The following UBE2Q2 variants were observed in gnomAD, a reference collection of about 807,000 sequenced individuals.
UBE2Q2 encodes ubiquitin-conjugating enzyme E2 Q2.
A neutral mutation model predicts 59.9 loss-of-function variants in UBE2Q2; 54 were observed. The observed-to-expected ratio is 0.90, with a 90% CI of 0.72 to 1.13. The LOEUF is 1.13. Among genes scored for constraint, UBE2Q2 ranks in the 50% most tolerant of loss-of-function variants. UBE2Q2 has a pLI of 0.00. For missense variants in UBE2Q2, 433 were observed against 441.9 expected (o/e 0.98, Z 0.18); for synonymous variants, 165 against 155.2 (o/e 1.06, Z -0.47).
Position 75,882,578 on chromosome 15 carries a change from A to G in UBE2Q2, c.826-788A>G, listed in dbSNP as rs185562039. Among the ~76,000 whole-genome samples, 5 of 152,338 alleles carry G rather than the reference A, an allele frequency of 3.3e-5. No homozygotes were observed. The South Asian group carries it at 6.2e-4, about 19-fold the overall frequency. ...CTTTACCAAGCTTACATCAACCTCT[A>G]TACCTTTCATTATGTCTGTTAAATA... On this transcript the variant is annotated intron_variant, in intron 8 of 12. Coordinates refer to ENST00000267938, the MANE Select transcript of UBE2Q2 (RefSeq NM_173469.4).
At position 75,869,301 on chromosome 15, in the gene UBE2Q2, G is replaced by GT. The variant is rs545464445; in HGVS notation, c.447+293dup. ...CTAATCAGTACTTAATCTGTATTTG[G>GT]TTATTTTTAGGAAGAGGAACTACTA... On this transcript the variant is annotated intron_variant, in intron 4 of 12. Coordinates refer to ENST00000267938, the MANE Select transcript of UBE2Q2 (RefSeq NM_173469.4). Among the ~76,000 whole-genome samples the GT allele has an allele frequency of 8.5e-5, 13 of 152,210 alleles. No individual in the cohort carries two copies. In the South Asian group the frequency reaches 2.5e-3, roughly 29 times the overall value.
intron 9 of UBE2Q2, among the ~76,000 whole-genome samples, chr15:75,887,586 C>G (rs200538631): frequency 6.7e-6 from 1 of 148,666 alleles, no homozygotes; most frequent in Non-Finnish European, 1.5e-5. Flanking sequence ...TTTTTTCCCC[C>G]TCTGCTAAGT....
rs1266672314 is a variant in UBE2Q2 at position 75,900,989 on chromosome 15, G to A, written c.*1531G>A. On this transcript the variant is annotated 3_prime_UTR_variant, in exon 13 of 13. Coordinates refer to ENST00000267938, the MANE Select transcript of UBE2Q2 (RefSeq NM_173469.4). ...TTTAATTGCAGATTTATTTGGCAATGTACAGTAAATTTTGTAAACTTGCAT... is the reference window on the plus strand; with the variant it reads ...TTTAATTGCAGATTTATTTGGCAATATACAGTAAATTTTGTAAACTTGCAT... 32 of 152,726 alleles carry A rather than the reference G, an allele frequency of 2.1e-4. No individual in the cohort carries two copies. Among genetic ancestry groups the A allele is most frequent in the Admixed American group, 6.5e-5 (1 of 15,302 alleles). The allele number at this position is 152,726 out of a possible 1,614,324, so 9.5% of individuals were successfully genotyped here. A position where few individuals can be genotyped will look rare whatever the true frequency, so the allele number is the denominator to read the frequency against.
chr15:75,887,943 C>A (rs930129341), intron 9 of UBE2Q2, among the ~76,000 whole-genome samples: 1 of 152,172 alleles, frequency 6.6e-6, no homozygotes, highest in African/African-American at 2.4e-5. Context: ...CTTGCCATCT[C>A]AATCAGGGTA....
Position 75,899,417 on chromosome 15 carries a change from TC to T in UBE2Q2, c.1097-9del. ...ATTATTTTAACTTTTTTTTTTTCATTCTATTTCAGGCTGGTACACCCCTCCA... is the reference window on the plus strand; with the variant it reads ...ATTATTTTAACTTTTTTTTTTTCATTTATTTCAGGCTGGTACACCCCTCCA... On this transcript the variant is annotated splice_polypyrimidine_tract_variant and intron_variant, in intron 12 of 12. Transcript: ENST00000267938. The T allele has an allele frequency of 6.4e-7, 1 of 1,572,490 alleles. No individual in the cohort carries two copies. The highest frequency in any genetic ancestry group is 8.6e-7 in the Non-Finnish European group (1 of 1,162,822).
At position 75,899,959 on chromosome 15, in the gene UBE2Q2, T is replaced by C. The variant is rs892382349; in HGVS notation, c.*501T>C. 2 of 152,884 alleles carry C rather than the reference T, an allele frequency of 1.3e-5. No homozygotes were observed. The highest frequency in any genetic ancestry group is 1.3e-4 in the Admixed American group (2 of 15,310). 9.5% of individuals were successfully genotyped at this position (152,884 alleles called of 1,614,324 possible). A position where few individuals can be genotyped will look rare whatever the true frequency, so the allele number is the denominator to read the frequency against. On this transcript the variant is annotated 3_prime_UTR_variant, in exon 13 of 13. Transcript: ENST00000267938. ...ATTTTATGATATTGCCAAAATGTGA[T>C]AGGAAACCTACTCATTAAATTGTTA...
At chr15:75,891,999 C>G (rs1256401362) in intron 11 of UBE2Q2, among the ~76,000 whole-genome samples, 1 of 152,194 alleles carries the variant, frequency 6.6e-6, no homozygotes, top group African/African-American at 2.4e-5. Flanking sequence ...ATAACCTCCA[C>G]TTATTCTCCC....
At chr15:75,889,507 C>T (rs982700447) in intron 9 of UBE2Q2, among the ~76,000 whole-genome samples, 2 of 152,056 alleles carry the variant, frequency 1.3e-5, no homozygotes, top group Non-Finnish European at 2.9e-5. Context: ...GGAAGATGTG[C>T]AGGCTAGAGT....
chr15:75,878,079 G>T (rs1898186834), intron 7 of UBE2Q2, 58 bp downstream of exon 7: 1 of 1,470,372 alleles, frequency 6.8e-7, no homozygotes, highest in African/African-American at 1.4e-5. Flanking sequence ...CACAGTGGAG[G>T]TTATTTTCCT....
intron 12 of UBE2Q2, among the ~76,000 whole-genome samples, chr15:75,897,984 A>C (rs1899525790): frequency 6.6e-6 from 1 of 152,120 alleles, no homozygotes. Context: ...TTTCAAGCAG[A>C]AGAGAGAAAC....
At chr15:75,881,265 C>T (rs1200244714) in intron 8 of UBE2Q2, among the ~76,000 whole-genome samples, 1 of 151,972 alleles carries the variant, frequency 6.6e-6, no homozygotes, top group Admixed American at 6.6e-5. Flanking sequence ...CCTGTGGCCC[C>T]CTGTGTGCCC....
At chr15:75,894,733 G>C (rs1238475146) in intron 11 of UBE2Q2, among the ~76,000 whole-genome samples, 2 of 151,998 alleles carry the variant, frequency 1.3e-5, no homozygotes, top group Admixed American at 6.6e-5. Flanking sequence ...TGAGTACCTT[G>C]CTACTGATAA....
intron 9 of UBE2Q2, among the ~76,000 whole-genome samples, chr15:75,888,344 A>G (rs771754698): frequency 2.6e-5 from 4 of 152,328 alleles, no homozygotes; most frequent in South Asian, 2.1e-4. Flanking sequence ...ATAGAATCAT[A>G]TAAAATGTGG....
intron 11 of UBE2Q2, among the ~76,000 whole-genome samples, chr15:75,894,184 T>A (rs1899264885): frequency 6.6e-6 from 1 of 152,080 alleles, no homozygotes. Flanking sequence ...AAAGGAGAGC[T>A]CAGAGGAATG....
At chr15:75,882,356 T>G (rs1314839638) in intron 8 of UBE2Q2, among the ~76,000 whole-genome samples, 1 of 152,186 alleles carries the variant, frequency 6.6e-6, no homozygotes, top group Non-Finnish European at 1.5e-5. Context: ...GAGGAACTTT[T>G]TATTTCTGTA....
At position 75,843,636 on chromosome 15, in the gene UBE2Q2, C is replaced by T. The variant is rs767222055; in HGVS notation, c.-31C>T. 22 of 1,561,984 alleles carry T rather than the reference C, an allele frequency of 1.4e-5. No homozygotes were observed. Among genetic ancestry groups the T allele is most frequent in the Non-Finnish European group, 1.8e-5 (21 of 1,157,200 alleles). ...TCCCCTTCCGCGCCCGGCTCCCCTTCCGCGCCCCTCCCGCCGGAGATGAGG... is the reference window on the plus strand; with the variant it reads ...TCCCCTTCCGCGCCCGGCTCCCCTTTCGCGCCCCTCCCGCCGGAGATGAGG... On this transcript the variant is annotated 5_prime_UTR_variant, in exon 1 of 13. Coordinates refer to ENST00000267938, the MANE Select transcript of UBE2Q2 (RefSeq NM_173469.4).
intron 11 of UBE2Q2, among the ~76,000 whole-genome samples, chr15:75,894,403 T>TA (rs1189906584): frequency 2.2e-4 from 34 of 151,484 alleles, no homozygotes; most frequent in Admixed American, 1.2e-3. Context: ...CCAATCTCTG[T>TA]AAAAAAAACA....
intron 9 of UBE2Q2, 49 bp downstream of exon 9, chr15:75,883,473 A>AT (rs754689860): frequency 5.6e-4 from 800 of 1,427,342 alleles, no homozygotes; most frequent in South Asian, 7.5e-4. Context: ...GTTAAAAAAA[A>AT]TTTTTTTTTA....
chr15:75,884,281 C>T (rs183641845), intron 9 of UBE2Q2, among the ~76,000 whole-genome samples: 214 of 152,264 alleles, frequency 1.4e-3, no homozygotes, highest in African/African-American at 4.9e-3. Context: ...TAAATATATC[C>T]AGCCTTTCCT....
Sources: gnomAD v4.1 joint callset for allele counts (sites outside exome capture counted in the v4.1 genomes callset) on GRCh38, gnomAD v4.1.1 for gene constraint, MANE v1.5 for transcripts, NCBI Gene and HGNC (gene_info 2026-07-23, HGNC 2026-07-21) for gene names.